KICS2: variants seen among roughly 807,000 people sequenced by gnomAD.
The protein encoded by KICS2 is KICSTOR subunit 2.
A neutral mutation model predicts 31.4 loss-of-function variants in KICS2; 13 were observed. The observed-to-expected ratio is 0.41, with a 90% CI of 0.27 to 0.66. The LOEUF is 0.66. KICS2 is among the 30% of genes least tolerant of loss of function. The pLI is 0.28. For synonymous variants in KICS2, 209 were observed against 214.8 expected (o/e 0.97, Z 0.24); for missense variants, 455 against 545.4 (o/e 0.83, Z 1.65).
intron 1 of KICS2, among the ~76,000 whole-genome samples, chr12:64,220,092 A>G (rs2037666074): frequency 6.6e-6 from 1 of 152,270 alleles, no homozygotes; most frequent in South Asian, 2.1e-4. Context: ...TAAATAAGTT[A>G]TGAAGCATTA....
rs1481672520 is a variant in KICS2 at position 64,192,761 on chromosome 12, G to A, written c.*1081C>T. On this transcript the variant is annotated 3_prime_UTR_variant, in exon 3 of 3. Coordinates refer to ENST00000398055, the MANE Select transcript of KICS2 (RefSeq NM_152440.5). ...ACACCTGCCGAAGGAAAGAAATAAG[G>A]CAGCATGTGCTAAGATGCAGTGCTG... 3.0e-6 allele frequency: 3 copies of A among 985,308 alleles called. No individual in the cohort carries two copies. The highest frequency in any genetic ancestry group is 3.6e-6 in the Non-Finnish European group (3 of 829,966). The allele number at this position is 985,308 out of a possible 1,614,324, so 61.0% of individuals were successfully genotyped here. A position where few individuals can be genotyped will look rare whatever the true frequency, so the allele number is the denominator to read the frequency against.
At chr12:64,218,458 T>C (rs752907165) in intron 1 of KICS2, among the ~76,000 whole-genome samples, 2 of 152,190 alleles carry the variant, frequency 1.3e-5, no homozygotes, top group Non-Finnish European at 2.9e-5. Context: ...TAACATTTGG[T>C]GTGTAATGTG....
chr12:64,214,746 T>G (rs917617400), intron 2 of KICS2, among the ~76,000 whole-genome samples: 9 of 151,982 alleles, frequency 5.9e-5, no homozygotes, highest in Non-Finnish European at 1.0e-4. Context: ...CCAGGCATAG[T>G]GGCATGTGCC....
intron 2 of KICS2, among the ~76,000 whole-genome samples, chr12:64,208,468 G>A (rs1242197629): frequency 6.6e-6 from 1 of 152,236 alleles, no homozygotes; most frequent in East Asian, 1.9e-4. Context: ...GACTAGGAGA[G>A]AGTGCATTCC....
chr12:64,206,542 C>A (rs181997493), intron 2 of KICS2, among the ~76,000 whole-genome samples: 1 of 152,078 alleles, frequency 6.6e-6, no homozygotes. Context: ...GAGGAAGGAA[C>A]AATTCCTTTT....
At chr12:64,217,487 C>G (rs2037639912) in intron 1 of KICS2, among the ~76,000 whole-genome samples, 1 of 150,102 alleles carries the variant, frequency 6.7e-6, no homozygotes. Flanking sequence ...AAAAAACGCA[C>G]AAAAAATCTC....
chr12:64,190,752 A>G (rs779722299), downstream of KICS2, among the ~76,000 whole-genome samples: 26 of 151,496 alleles, frequency 1.7e-4, no homozygotes, highest in Admixed American at 6.6e-5. Context: ...TTTCAAAAAA[A>G]AAAAGAAAGA....
At chr12:64,220,972 T>A (rs1163895869) in intron 1 of KICS2, among the ~76,000 whole-genome samples, 1 of 152,074 alleles carries the variant, frequency 6.6e-6, no homozygotes, top group African/African-American at 2.4e-5. Flanking sequence ...ACTAAATAAG[T>A]ATGTATAAAT....
At chr12:64,216,565 A>G (rs1342210161) in intron 1 of KICS2, among the ~76,000 whole-genome samples, 2 of 152,208 alleles carry the variant, frequency 1.3e-5, no homozygotes, top group African/African-American at 4.8e-5. Flanking sequence ...CTGGGATCCC[A>G]GGAGAATAAA....
chr12:64,219,832 G>T (rs1229462656), intron 1 of KICS2, among the ~76,000 whole-genome samples: 1 of 152,020 alleles, frequency 6.6e-6, no homozygotes, highest in Non-Finnish European at 1.5e-5. Context: ...TTTTTTAAAC[G>T]CACGCATAAA....
rs1723224494 is a variant in KICS2 at position 64,192,841 on chromosome 12, A to C, written c.*1001T>G. On this transcript the variant is annotated 3_prime_UTR_variant, in exon 3 of 3. Coordinates refer to ENST00000398055, the MANE Select transcript of KICS2 (RefSeq NM_152440.5). Reference sequence around the variant, plus strand: ...ATGAAACCCAAGTTCAGAAGTGCTTAAGTACTGAGGTGATTACTCAACTAT... The same window carrying C: ...ATGAAACCCAAGTTCAGAAGTGCTTCAGTACTGAGGTGATTACTCAACTAT... 3 of 985,338 alleles carry C rather than the reference A, an allele frequency of 3.0e-6. No homozygotes were observed. Among genetic ancestry groups the C allele is most frequent in the Middle Eastern group, 1.0e-3 (2 of 1,936 alleles). The allele number at this position is 985,338 out of a possible 1,614,324, so 61.0% of individuals were successfully genotyped here. A position where few individuals can be genotyped will look rare whatever the true frequency, so the allele number is the denominator to read the frequency against.
At chr12:64,187,690 T>G (rs991663792), downstream of KICS2, 5 of 1,517,202 alleles carry the variant, frequency 3.3e-6, no homozygotes, top group African/African-American at 6.9e-5. Flanking sequence ...TAAATTAAAT[T>G]AAACCTACAG....
At chr12:64,187,642 G>A, downstream of KICS2, 3 of 1,535,648 alleles carry the variant, frequency 2.0e-6, no homozygotes, top group Non-Finnish European at 1.7e-6. Flanking sequence ...AATTGCATTG[G>A]TAACAGGAAC....
downstream of KICS2, among the ~76,000 whole-genome samples, chr12:64,188,169 A>G (rs2037353181): frequency 6.6e-6 from 1 of 152,256 alleles, no homozygotes; most frequent in South Asian, 2.1e-4. Flanking sequence ...CCTGGATCTC[A>G]GAGGCATGGG....
rs977708558 is a variant in KICS2 at position 64,193,520 on chromosome 12, C to G, written c.*322G>C. ...CAGTAGAACACAATGTTTAGAACAA[C>G]AGAAAAACATATGGGAAAAAAAAAA... On this transcript the variant is annotated 3_prime_UTR_variant, in exon 3 of 3. Transcript: ENST00000398055. 1.1e-5 allele frequency: 12 copies of G among 1,070,804 alleles called. No homozygotes were observed. In the African/African-American group the frequency reaches 1.8e-4, roughly 16 times the overall value. 66.3% of individuals were successfully genotyped at this position (1,070,804 alleles called of 1,614,324 possible). A position where few individuals can be genotyped will look rare whatever the true frequency, so the allele number is the denominator to read the frequency against.
chr12:64,194,947 T>A (rs1429374018), intron 2 of KICS2, among the ~76,000 whole-genome samples: 6 of 150,766 alleles, frequency 4.0e-5, no homozygotes, highest in East Asian at 3.9e-4. Flanking sequence ...TTTTTTTTTT[T>A]TTATTTATTT....
chr12:64,202,915 C>T (rs1228421033), intron 2 of KICS2, among the ~76,000 whole-genome samples: 2 of 152,036 alleles, frequency 1.3e-5, no homozygotes, highest in Non-Finnish European at 2.9e-5. Flanking sequence ...TTCACCAATA[C>T]TGTACTTCTT....
downstream of KICS2, among the ~76,000 whole-genome samples, chr12:64,189,377 G>A (rs534679409): frequency 7.9e-5 from 12 of 152,064 alleles, no homozygotes; most frequent in Non-Finnish European, 1.6e-4. Context: ...GTTGTTAGCT[G>A]CTTCCTAATA....
intron 1 of KICS2, among the ~76,000 whole-genome samples, chr12:64,218,382 C>G (rs543545424): frequency 7.5e-4 from 114 of 152,108 alleles, no homozygotes; most frequent in Non-Finnish European, 1.4e-3. Flanking sequence ...ACTACTGAAC[C>G]ACTTTGAGCT....
Sources: allele counts gnomAD v4.1 joint callset (sites outside exome capture counted in the v4.1 genomes callset), GRCh38; gene constraint gnomAD v4.1.1; transcripts MANE v1.5; gene names NCBI Gene and HGNC (gene_info 2026-07-23, HGNC 2026-07-21).